The following ITGA1 variants were observed in gnomAD, a reference collection of about 807,000 sequenced individuals.
ITGA1 encodes integrin subunit alpha 1, also known as integrin alpha-1.
A neutral mutation model predicts 145.9 loss-of-function variants in ITGA1; 85 were observed. That is an observed-to-expected ratio of 0.58 (90% CI 0.49 to 0.70). ITGA1 has a LOEUF of 0.70. ITGA1 is among the 30% of genes least tolerant of loss of function. The probability of loss-of-function intolerance (pLI) is 0.00; values close to 1 mark genes in which losing one functional copy is unlikely to be tolerated. For missense variants in ITGA1, 1,351 were observed against 1,418.7 expected, an observed-to-expected ratio of 0.95 and a Z score of 0.77; for synonymous variants, 520 against 495.3, an observed-to-expected ratio of 1.05 and a Z score of -0.66.
intron 1 of ITGA1, among the ~76,000 whole-genome samples, chr5:52,827,700 A>G (rs924152501): frequency 2.6e-5 from 4 of 152,218 alleles, no homozygotes; most frequent in Admixed American, 6.5e-5. Context: ...CACCCTGCCC[A>G]GTCAGCAACC....
At chr5:52,939,278 A>T (rs1751017344) in intron 24 of ITGA1, among the ~76,000 whole-genome samples, 1 of 71,510 alleles carries the variant, frequency 1.4e-5, no homozygotes, top group Admixed American at 1.4e-4. Flanking sequence ...CTTATCTTTG[A>T]TTAAGGTAAT....
chr5:52,797,272 C>T (rs895329514), intron 1 of ITGA1, among the ~76,000 whole-genome samples: 7 of 151,798 alleles, frequency 4.6e-5, no homozygotes, highest in Admixed American at 2.6e-4. Flanking sequence ...TGGAGGCACA[C>T]TGATATTTTT....
At chr5:52,884,362 G>T (rs187724249) in intron 7 of ITGA1, among the ~76,000 whole-genome samples, 1 of 151,616 alleles carries the variant, frequency 6.6e-6, no homozygotes, top group Non-Finnish European at 1.5e-5. Context: ...CAGGAGAAGC[G>T]CCTGAACCCA....
At chr5:52,813,112 TG>T (rs1355298638) in intron 1 of ITGA1, among the ~76,000 whole-genome samples, 1 of 152,146 alleles carries the variant, frequency 6.6e-6, no homozygotes. Flanking sequence ...TCAATTGTAA[TG>T]TTCATGCCAG....
At chr5:52,899,867 C>T (rs1352178400) in intron 11 of ITGA1, among the ~76,000 whole-genome samples, 1 of 152,160 alleles carries the variant, frequency 6.6e-6, no homozygotes, top group Non-Finnish European at 1.5e-5. Flanking sequence ...ACAATTATGT[C>T]CCAGCTGCCT....
intron 2 of ITGA1, among the ~76,000 whole-genome samples, chr5:52,857,792 A>G (rs1749540181): frequency 6.6e-6 from 1 of 152,162 alleles, no homozygotes; most frequent in Non-Finnish European, 1.5e-5. Context: ...TATCATGCTC[A>G]TACATGTTCC....
At chr5:52,803,815 T>C (rs1003919622) in intron 1 of ITGA1, 1 of 152,138 alleles carries the variant, frequency 6.6e-6, no homozygotes, top group African/African-American at 2.4e-5. Context: ...TGTACCAACA[T>C]CTCTAGATGA....
intron 1 of ITGA1, among the ~76,000 whole-genome samples, chr5:52,794,253 C>T (rs35501458): frequency 6.6e-6 from 1 of 151,464 alleles, no homozygotes; most frequent in South Asian, 2.1e-4. Context: ...AATATAGCAC[C>T]TAAGTCACTT....
chr5:52,954,332 A>G lies in ITGA1; in HGVS notation c.*1881A>G, dbSNP rs1751272033. The G allele has an allele frequency of 1.3e-5, 2 of 152,180 alleles. No homozygotes were observed. Among genetic ancestry groups the G allele is most frequent in the Non-Finnish European group, 2.9e-5 (2 of 68,054 alleles). 9.4% of individuals were successfully genotyped at this position (152,180 alleles called of 1,614,324 possible). A position where few individuals can be genotyped will look rare whatever the true frequency, so the allele number is the denominator to read the frequency against. On this transcript the variant is annotated 3_prime_UTR_variant, in exon 29 of 29. Coordinates refer to ENST00000282588, the MANE Select transcript of ITGA1 (RefSeq NM_181501.2). ...TGATCTCAGCAAGATCTTAGTAGTA[A>G]AGCTAACGGATCCATTGAAATTCAT...
chr5:52,887,455 G>A (rs1334922253), intron 7 of ITGA1, among the ~76,000 whole-genome samples: 2 of 152,164 alleles, frequency 1.3e-5, no homozygotes, highest in South Asian at 4.1e-4. Flanking sequence ...GAGAGAAGGG[G>A]TGTTTACAGA....
chr5:52,924,498 CG>C (rs1474345322), intron 18 of ITGA1, among the ~76,000 whole-genome samples: 1 of 152,170 alleles, frequency 6.6e-6, no homozygotes, highest in Non-Finnish European at 1.5e-5. Flanking sequence ...GAGGTGAGGC[CG>C]GAGGTAAAGG....
chr5:52,944,300 C>T (rs1309145565), intron 26 of ITGA1, among the ~76,000 whole-genome samples: 1 of 152,152 alleles, frequency 6.6e-6, no homozygotes. Flanking sequence ...ATGTCTGTGG[C>T]AAGAGTGAGC....
In ITGA1 at chr5:52,954,460, A is replaced by ATTTTGAAG. The variant is rs1248518338; in HGVS notation, c.*2014_*2021dup. ...AAAGGGAAAAAATAGAAATGAGGGC[A>ATTTTGAAG]TTTTGAAGTTTTTAGAAAAGAGAGG... On this transcript the variant is annotated 3_prime_UTR_variant, in exon 29 of 29. Transcript: ENST00000282588. 2.6e-5 allele frequency: 4 copies of ATTTTGAAG among 152,252 alleles called. No individual in the cohort carries two copies. Among genetic ancestry groups the ATTTTGAAG allele is most frequent in the Non-Finnish European group, 5.9e-5 (4 of 68,048 alleles). The allele number at this position is 152,252 out of a possible 1,614,324, so 9.4% of individuals were successfully genotyped here.
At chr5:52,909,744 C>A (rs1237274023) in intron 13 of ITGA1, among the ~76,000 whole-genome samples, 2 of 150,820 alleles carry the variant, frequency 1.3e-5, no homozygotes, top group African/African-American at 4.9e-5. Flanking sequence ...TTCTTGATTA[C>A]CTTTGCTAGT....
chr5:52,853,879 T>C (rs1300403330), intron 2 of ITGA1, among the ~76,000 whole-genome samples: 1 of 152,200 alleles, frequency 6.6e-6, no homozygotes. Context: ...TCAAACATGC[T>C]CAGCACAGCA....
chr5:52,948,739 G>T (rs1295272555), intron 28 of ITGA1: 1 of 152,152 alleles, frequency 6.6e-6, no homozygotes, highest in East Asian at 1.9e-4. Flanking sequence ...ATAGGAAGTG[G>T]TTTCTTCATT....
At chr5:52,869,482 TA>T (rs2111784027) in intron 6 of ITGA1, among the ~76,000 whole-genome samples, 1 of 152,250 alleles carries the variant, frequency 6.6e-6, no homozygotes, top group African/African-American at 2.4e-5. Flanking sequence ...TTAAACAGAT[TA>T]AAGTTTGAGA....
chr5:52,922,646 CAT>C (rs989806906), intron 17 of ITGA1, 129 bp from the exon 18 acceptor site: 6 of 651,846 alleles, frequency 9.2e-6, no homozygotes, highest in Middle Eastern at 2.5e-4. Flanking sequence ...CTGATGAGAT[CAT>C]ATGTCAGATT....
At chr5:52,887,680 A>C in intron 7 of ITGA1, 135 bp from the exon 8 acceptor site, 1 of 701,706 alleles carries the variant, frequency 1.4e-6, no homozygotes, top group East Asian at 2.8e-5. Context: ...CCCAACTTGA[A>C]TGATGGGCAT....
Sources: allele counts gnomAD v4.1 joint callset (sites outside exome capture counted in the v4.1 genomes callset), GRCh38; gene constraint gnomAD v4.1.1; transcripts MANE v1.5; gene names NCBI Gene and HGNC (gene_info 2026-07-23, HGNC 2026-07-21).